IFT74: variants seen among roughly 807,000 people sequenced by gnomAD.
The protein encoded by IFT74 is intraflagellar transport 74.
A neutral mutation model predicts 96.7 loss-of-function variants in IFT74; 92 were observed. The observed-to-expected ratio is 0.95, with a 90% CI of 0.80 to 1.13. The LOEUF (loss-of-function observed/expected upper bound fraction) is 1.13, where lower values mean the gene tolerates loss of function less well. Among genes scored for constraint, IFT74 ranks in the 50% most tolerant of loss-of-function variants. IFT74 has a pLI of 0.00. For missense variants in IFT74, 811 were observed against 698.2 expected, an observed-to-expected ratio of 1.16 and a Z score of -1.82; for synonymous variants, 223 against 213.2, an observed-to-expected ratio of 1.05 and a Z score of -0.40.
rs533150322 is a variant in IFT74 at position 27,057,114 on chromosome 9, A to G, written c.1623+655A>G. Among the ~76,000 whole-genome samples, 13 of 152,278 alleles carry G rather than the reference A, an allele frequency of 8.5e-5. 2 individuals are homozygous for G. The highest frequency in any genetic ancestry group is 3.1e-4 in the African/African-American group (13 of 41,560). On this transcript the variant is annotated intron_variant, in intron 18 of 19. Transcript: ENST00000380062. ...TTCTAGTGCATGGATGTCGCATAAT[A>G]TATTGAACCAATTCCCTTTCGTTGG...
rs1820511168 is a variant in IFT74 at position 27,063,417 on chromosome 9, C to T, written c.*681C>T. Among the ~76,000 whole-genome samples, 1 of 152,022 alleles carries T rather than the reference C, an allele frequency of 6.6e-6. No homozygotes were observed. Among genetic ancestry groups the T allele is most frequent in the African/African-American group, 2.4e-5 (1 of 41,410 alleles). Reference sequence around the variant, plus strand: ...GCTACTGCTGTTCATTGCCACCCTGCAGTATGCATTTACTCTCTTGTACTA... The same window carrying T: ...GCTACTGCTGTTCATTGCCACCCTGTAGTATGCATTTACTCTCTTGTACTA... On this transcript the variant is annotated 3_prime_UTR_variant, in exon 20 of 20. Coordinates refer to ENST00000380062, the MANE Select transcript of IFT74 (RefSeq NM_025103.4).
intron 13 of IFT74, among the ~76,000 whole-genome samples, chr9:27,040,544 C>CAAAAAAAAAA (rs751893169): frequency 2.6e-4 from 16 of 62,078 alleles, no homozygotes; most frequent in African/African-American, 3.4e-4. Context: ...GACACTGTCT[C>CAAAAAAAAAA]AAAAAAAAAA....
At position 26,961,163 on chromosome 9, in the gene IFT74, T is replaced by C. The variant is rs553635204; in HGVS notation, c.-19-786T>C. On this transcript the variant is annotated intron_variant, in intron 1 of 19. Coordinates refer to ENST00000380062, the MANE Select transcript of IFT74 (RefSeq NM_025103.4). ...TGGAGTGCAGTAGCGCAATCTCGGC[T>C]CACTGCAAACTCTGCTTCCCAGGTT... Among the ~76,000 whole-genome samples the C allele has an allele frequency of 1.2e-4, 18 of 149,620 alleles. No homozygotes were observed. The South Asian group carries it at 3.7e-3, about 30-fold the overall frequency.
chr9:26,999,505 TTAG>T (rs1280393310), intron 8 of IFT74: 18 of 756,986 alleles, frequency 2.4e-5, no homozygotes, highest in Non-Finnish European at 3.5e-5. Context: ...ACTCTTAATT[TTAG>T]TAGGTCAGAT....
At chr9:26,966,704 G>A (rs1338285401) in intron 2 of IFT74, among the ~76,000 whole-genome samples, 1 of 151,830 alleles carries the variant, frequency 6.6e-6, no homozygotes, top group Non-Finnish European at 1.5e-5. Context: ...TTTTTGCTTT[G>A]GTTTCCTTTG....
intron 8 of IFT74, among the ~76,000 whole-genome samples, chr9:26,990,588 G>A (rs1811172011): frequency 1.3e-5 from 2 of 152,224 alleles, no homozygotes; most frequent in South Asian, 4.1e-4. Flanking sequence ...TATTTCATTA[G>A]CATTGATATT....
intron 4 of IFT74, among the ~76,000 whole-genome samples, chr9:26,982,085 T>C (rs1043255438): frequency 1.5e-5 from 2 of 137,700 alleles, no homozygotes; most frequent in African/African-American, 5.5e-5. Flanking sequence ...ATCTTCTATG[T>C]TTTTTTTCAG....
chr9:27,014,729 C>A (rs1202259713), intron 10 of IFT74, among the ~76,000 whole-genome samples: 1 of 152,166 alleles, frequency 6.6e-6, no homozygotes, highest in East Asian at 1.9e-4. Flanking sequence ...CCTGCCTCAG[C>A]CTCCCGAGTA....
rs545013743 is a variant in IFT74 at position 26,961,998 on chromosome 9, C to T, written c.31C>T (p.Arg11Cys). 12 of 1,614,118 alleles carry T rather than the reference C, an allele frequency of 7.4e-6. No individual in the cohort carries two copies. The highest frequency in any genetic ancestry group is 2.2e-5 in the East Asian group (1 of 44,888). Residue 11 changes from arginine (R) to cysteine (C), a missense_variant, in exon 2 of 20, where the codon CGC (arginine) becomes TGC (cysteine). Coordinates refer to ENST00000380062, the MANE Select transcript of IFT74 (RefSeq NM_025103.4). ...CAGCAATCACAAATCTTCAGCAGCT[C>T]GCCCTGTTTCAAGAGGTGGAGTTGG... MASNHKSSAA[R>C]PVSRGGVGLT... is the part of the protein sequence containing the mutation.
intron 8 of IFT74, chr9:26,995,479 T>G: frequency 2.6e-6 from 3 of 1,158,958 alleles, no homozygotes; most frequent in Non-Finnish European, 3.6e-6. Context: ...CTAAACTGAG[T>G]GAGCTGATAA....
Position 27,017,022 on chromosome 9 carries a change from T to C in IFT74, c.905T>C (p.Met302Thr), listed in dbSNP as rs201372334. Residue 302 changes from methionine to threonine, a missense_variant, in exon 11 of 20, where the codon ATG becomes ACG. Coordinates refer to ENST00000380062, the MANE Select transcript of IFT74 (RefSeq NM_025103.4). ...GAAGACAAAAGCATAGGATCTCCAA[T>C]GGAAGAGAGAGAGAAATTACTTAAG... ...IAEDKSIGSP[M>T]EEREKLLKQI... 38 of 1,606,096 alleles carry C rather than the reference T, an allele frequency of 2.4e-5. No individual in the cohort carries two copies. The highest frequency in any genetic ancestry group is 3.3e-4 in the Middle Eastern group (2 of 6,056).
intron 1 of IFT74, among the ~76,000 whole-genome samples, chr9:26,948,807 C>A (rs918652813): frequency 6.6e-6 from 1 of 152,040 alleles, no homozygotes; most frequent in Non-Finnish European, 1.5e-5. Context: ...GCCTTTCACA[C>A]AATCTCCCTA....
intron 10 of IFT74, among the ~76,000 whole-genome samples, chr9:27,014,620 A>AT (rs1829257321): frequency 6.6e-6 from 1 of 151,884 alleles, no homozygotes; most frequent in South Asian, 2.1e-4. Flanking sequence ...AAAAAAAAAA[A>AT]TTTTTTTGAG....
At chr9:27,018,790 C>G in intron 12 of IFT74, 103 bp downstream of exon 12, 1 of 604,956 alleles carries the variant, frequency 1.7e-6, no homozygotes, top group African/African-American at 1.9e-5. Flanking sequence ...TTACTTATAG[C>G]TTTAAATATT....
chr9:27,045,778 G>T (rs1401161472), intron 14 of IFT74, among the ~76,000 whole-genome samples: 1 of 152,140 alleles, frequency 6.6e-6, no homozygotes, highest in Non-Finnish European at 1.5e-5. Flanking sequence ...CAATAAAAGA[G>T]TAATTGTCAC....
At chr9:27,038,975 C>T (rs1257946367) in intron 13 of IFT74, among the ~76,000 whole-genome samples, 1 of 152,170 alleles carries the variant, frequency 6.6e-6, no homozygotes, top group African/African-American at 2.4e-5. Flanking sequence ...TATGAAGCCT[C>T]GACCTTAAAC....
At chr9:27,021,529 C>T (rs1367325971) in intron 12 of IFT74, among the ~76,000 whole-genome samples, 1 of 152,144 alleles carries the variant, frequency 6.6e-6, no homozygotes, top group Admixed American at 6.5e-5. Context: ...GCCATTCTTG[C>T]AGGAGTAAGG....
At chr9:27,011,675 G>A (rs1175441842) in intron 9 of IFT74, among the ~76,000 whole-genome samples, 4 of 144,460 alleles carry the variant, frequency 2.8e-5, no homozygotes, top group Non-Finnish European at 4.6e-5. Context: ...AAGGCACACA[G>A]CAAGTTTTTA....
In IFT74 at chr9:27,063,446, G is replaced by C. The variant is rs141373427; in HGVS notation, c.*710G>C. Among the ~76,000 whole-genome samples the C allele has an allele frequency of 7.3e-3, 1,110 of 152,052 alleles. 7 individuals carry two copies. The highest frequency in any genetic ancestry group is 0.014 in the Middle Eastern group (4 of 294). On this transcript the variant is annotated 3_prime_UTR_variant, in exon 20 of 20. Transcript: ENST00000380062. ...ATGCATTTACTCTCTTGTACTATTAGGAGAACTTAAGTAGATTAATTTATA... is the reference window on the plus strand; with the variant it reads ...ATGCATTTACTCTCTTGTACTATTACGAGAACTTAAGTAGATTAATTTATA...
Sources: allele counts gnomAD v4.1 joint callset (sites outside exome capture counted in the v4.1 genomes callset), GRCh38; gene constraint gnomAD v4.1.1; transcripts MANE v1.5; gene names NCBI Gene and HGNC (gene_info 2026-07-23, HGNC 2026-07-21).